TPH1: variants seen among roughly 807,000 people sequenced by gnomAD.
TPH1 encodes the protein tryptophan 5-hydroxylase 1.
In TPH1, 37 loss-of-function variants were observed where a neutral mutation model predicts 49.5. That is an observed-to-expected ratio of 0.75 (90% CI 0.58 to 0.98). The LOEUF is 0.98. Ranked by LOEUF, TPH1 falls within the 50% of genes least tolerant of loss-of-function variation. The probability of loss-of-function intolerance (pLI) is 0.00; values close to 1 mark genes in which losing one functional copy is unlikely to be tolerated. For missense variants in TPH1, 487 were observed against 523.6 expected (o/e 0.93, Z 0.68); for synonymous variants, 160 against 182.1 (o/e 0.88, Z 0.98).
Position 18,020,395 on chromosome 11 carries a change from C to T in TPH1, c.*596G>A, listed in dbSNP as rs1286351469. ...ACTCCCATTTCCCTACAAGATACTA[C>T]ACTTGAAACTAGACTACTTGCTCTT... On this transcript the variant is annotated 3_prime_UTR_variant, in exon 11 of 11. Coordinates refer to ENST00000682019, the MANE Select transcript of TPH1 (RefSeq NM_004179.3). 1 of 154,904 alleles carries T rather than the reference C, an allele frequency of 6.5e-6. No individual in the cohort carries two copies. The highest frequency in any genetic ancestry group is 1.4e-5 in the Non-Finnish European group (1 of 69,880). The allele number at this position is 154,904 out of a possible 1,614,324, so 9.6% of individuals were successfully genotyped here.
chr11:18,035,993 C>T lies in TPH1; in HGVS notation c.267G>A (p.Val89=). 6.2e-7 allele frequency: 1 copy of T among 1,612,234 alleles called. No homozygotes were observed. Among genetic ancestry groups the T allele is most frequent in the Non-Finnish European group, 8.5e-7 (1 of 1,179,886 alleles). ...TCAAAGTAAAATTATCTGGTAGATT[C>T]ACAGAGAGAACATTGGTATGAGACT... The part of the protein sequence containing the change: ...LLKSHTNVLS[V]NLPDNFTLKE... Residue 89 remains valine, a synonymous_variant, in exon 3 of 11, where the codon GTG becomes GTA. Transcript: ENST00000682019.
chr11:18,032,351 C>G (rs1251688614), intron 4 of TPH1, among the ~76,000 whole-genome samples: 2 of 152,002 alleles, frequency 1.3e-5, no homozygotes, highest in East Asian at 3.9e-4. Flanking sequence ...TTCCAATAAC[C>G]CATGCTCATT....
intron 2 of TPH1, among the ~76,000 whole-genome samples, chr11:18,036,832 C>G (rs1226050076): frequency 1.3e-5 from 2 of 152,142 alleles, no homozygotes; most frequent in Non-Finnish European, 2.9e-5. Context: ...CAATACTAAC[C>G]AGTGCATCCT....
At chr11:18,023,174 T>C (rs1271535192) in intron 9 of TPH1, 6 of 481,008 alleles carry the variant, frequency 1.2e-5, no homozygotes, top group South Asian at 1.1e-4. Flanking sequence ...CTTCTTTGTG[T>C]AAAAGGCACC....
At position 18,020,200 on chromosome 11, in the gene TPH1, G is replaced by A. The variant is rs544241805; in HGVS notation, c.*791C>T. Reference sequence around the variant, plus strand: ...AAGTTTCCCTTGGACCCATGAGTAGGATAGATAGTCCAGAATAAAACCAGT... The same window carrying A: ...AAGTTTCCCTTGGACCCATGAGTAGAATAGATAGTCCAGAATAAAACCAGT... On this transcript the variant is annotated 3_prime_UTR_variant, in exon 11 of 11. Transcript: ENST00000682019. The A allele has an allele frequency of 6.4e-6, 1 of 156,262 alleles. No individual in the cohort carries two copies. Among genetic ancestry groups the A allele is most frequent in the South Asian group, 2.0e-4 (1 of 5,078 alleles). The allele number at this position is 156,262 out of a possible 1,614,324, so 9.7% of individuals were successfully genotyped here. A position where few individuals can be genotyped will look rare whatever the true frequency, so the allele number is the denominator to read the frequency against.
intron 6 of TPH1, among the ~76,000 whole-genome samples, chr11:18,027,257 A>G (rs1306213783): frequency 6.6e-6 from 1 of 152,178 alleles, no homozygotes; most frequent in African/African-American, 2.4e-5. Context: ...CTTGGCCTTC[A>G]TTCCAAACCC....
Position 18,021,806 on chromosome 11 carries a change from G to T in TPH1, c.1161-641C>A, listed in dbSNP as rs575247179. The stretch of plus-strand genomic sequence containing the variant: ...TGCCTCCTTTATCAAATCACTGTTT[G>T]AACCTCTCATTTGGCACCCCCAGGA... On this transcript the variant is annotated intron_variant, in intron 10 of 10. Coordinates refer to ENST00000682019, the MANE Select transcript of TPH1 (RefSeq NM_004179.3). Among the ~76,000 whole-genome samples the T allele has an allele frequency of 3.3e-5, 5 of 152,106 alleles. No individual in the cohort carries two copies. The East Asian group carries it at 9.7e-4, about 29-fold the overall frequency.
chr11:18,033,115 T>C lies in TPH1; in HGVS notation c.402+159A>G, dbSNP rs551324157. Among the ~76,000 whole-genome samples, 14 of 152,176 alleles carry C rather than the reference T, an allele frequency of 9.2e-5. No individual in the cohort carries two copies. In the East Asian group the frequency reaches 2.7e-3, roughly 30 times the overall value. ...TAAAAATACAAAAATTAGCTGGGTGTGGTTGTGGGCACCTGTGATCCCAGC... is the reference window on the plus strand; with the variant it reads ...TAAAAATACAAAAATTAGCTGGGTGCGGTTGTGGGCACCTGTGATCCCAGC... On this transcript the variant is annotated intron_variant, in intron 4 of 10. Transcript: ENST00000682019.
At position 18,029,552 on chromosome 11, in the gene TPH1, G is replaced by T. The variant is rs377228750; in HGVS notation, c.430C>A (p.Arg144Ser). 1 of 1,612,800 alleles carries T rather than the reference G, an allele frequency of 6.2e-7. No homozygotes were observed. The highest frequency in any genetic ancestry group is 8.5e-7 in the Non-Finnish European group (1 of 1,179,412). Residue 144 changes from arginine (R) to serine (S), a missense_variant, in exon 5 of 11, where the codon CGT (arginine) becomes AGT (serine). Transcript: ENST00000682019. Reference protein sequence around the residue: ...PGFKDNVYRKRRKYFADLAMN... With the variant: ...PGFKDNVYRKSRKYFADLAMN... ...GCCAAGTCCGCAAAATACTTTCGAC[G>T]TTTACGGTAGACATTGTCTTTGAAG...
chr11:18,044,141 T>A (rs115808301), intron 1 of TPH1, among the ~76,000 whole-genome samples: 1 of 152,124 alleles, frequency 6.6e-6, no homozygotes, highest in Non-Finnish European at 1.5e-5. Context: ...CATTATTATA[T>A]TAAGATGTAA....
At chr11:18,026,359 T>G (rs1847928418) in intron 7 of TPH1, 131 bp downstream of exon 7, 6 of 891,838 alleles carry the variant, frequency 6.7e-6, no homozygotes, top group Non-Finnish European at 1.0e-5. Flanking sequence ...TTCTAAATGC[T>G]TCACATGTGC....
chr11:18,024,486 A>G (rs936318220), intron 8 of TPH1, among the ~76,000 whole-genome samples: 2 of 152,184 alleles, frequency 1.3e-5, no homozygotes, highest in East Asian at 1.9e-4. Context: ...GTTTGAGTAC[A>G]TGAGTTACAT....
rs922013015 is a variant in TPH1 at position 18,019,339 on chromosome 11, C to T, written c.*1652G>A. ...CTAAACCTAAAAATGATTGAAAATA[C>T]GATGTTTAATATACCATTAATGGAA... On this transcript the variant is annotated 3_prime_UTR_variant, in exon 11 of 11. Transcript: ENST00000682019. 3 of 167,640 alleles carry T rather than the reference C, an allele frequency of 1.8e-5. No homozygotes were observed. The Admixed American group carries it at 1.8e-4, about 10-fold the overall frequency. The allele number at this position is 167,640 out of a possible 1,614,324, so 10.4% of individuals were successfully genotyped here.
At position 18,019,221 on chromosome 11, in the gene TPH1, G is replaced by T. The variant is rs1380556809; in HGVS notation, c.*1770C>A. On this transcript the variant is annotated 3_prime_UTR_variant, in exon 11 of 11. Transcript: ENST00000682019. ...AATAATTTATTTTGAGGACTAAGAA[G>T]TGTTAAAAGATCTATTAGTCTGTTG... 6.5e-6 allele frequency: 1 copy of T among 152,984 alleles called. No homozygotes were observed. Among genetic ancestry groups the T allele is most frequent in the African/African-American group, 2.4e-5 (1 of 41,448 alleles). 9.5% of individuals were successfully genotyped at this position (152,984 alleles called of 1,614,324 possible). A position where few individuals can be genotyped will look rare whatever the true frequency, so the allele number is the denominator to read the frequency against.
chr11:18,021,238 T>C (rs1244907681), intron 10 of TPH1, 73 bp from the exon 11 acceptor site: 9 of 1,465,506 alleles, frequency 6.1e-6, no homozygotes, highest in Non-Finnish European at 7.6e-6. Context: ...AACAACAGAA[T>C]ATATTTCACA....
chr11:18,029,299 A>G lies in TPH1; in HGVS notation c.533T>C (p.Phe178Ser), dbSNP rs1051774443. 1 of 1,614,056 alleles carries G rather than the reference A, an allele frequency of 6.2e-7. No individual in the cohort carries two copies. Among genetic ancestry groups the G allele is most frequent in the Non-Finnish European group, 8.5e-7 (1 of 1,179,996 alleles). ...TGGGTAGAGTTTGTTGAGCTCTTGG[A>G]ATACGGTTCCCCAGGTCTTAATCTC... ...EEEIKTWGTVFQELNKLYPTH... is the reference protein window; with the variant it reads ...EEEIKTWGTVSQELNKLYPTH... The change falls in exon 6 of 11, where the codon TTC becomes TCC. Residue 178 changes from phenylalanine to serine, a missense_variant. Physicochemically the swap from Phe to Ser is radical, Grantham distance 155. Coordinates refer to ENST00000682019, the MANE Select transcript of TPH1 (RefSeq NM_004179.3).
At chr11:18,030,676 G>A (rs927213982) in intron 4 of TPH1, among the ~76,000 whole-genome samples, 3 of 152,074 alleles carry the variant, frequency 2.0e-5, no homozygotes, top group Non-Finnish European at 4.4e-5. Flanking sequence ...TGTACAGAAC[G>A]GCATGCACAC....
chr11:18,042,614 A>G (rs972512845), intron 1 of TPH1, among the ~76,000 whole-genome samples: 1 of 152,224 alleles, frequency 6.6e-6, no homozygotes, highest in Non-Finnish European at 1.5e-5. Flanking sequence ...AAACATATAT[A>G]AACTTATGAG....
intron 9 of TPH1, 60 bp downstream of exon 9, chr11:18,023,828 T>C (rs1854391650): frequency 7.3e-7 from 1 of 1,376,462 alleles, no homozygotes; most frequent in East Asian, 2.3e-5. Context: ...AAAAACTATT[T>C]CAGGTTTTAT....
Sources: allele counts gnomAD v4.1 joint callset (sites outside exome capture counted in the v4.1 genomes callset), GRCh38; gene constraint gnomAD v4.1.1; transcripts MANE v1.5; gene names NCBI Gene and HGNC (gene_info 2026-07-23, HGNC 2026-07-21).